Variants in SEC14L1 observed in about 807,000 individuals in gnomAD.
The protein encoded by SEC14L1 is SEC14-like protein 1.
SEC14L1 carries 48 observed loss-of-function variants against 85.3 expected under a neutral mutation model. That is an observed-to-expected ratio of 0.56 (90% CI 0.45 to 0.72). SEC14L1 has a LOEUF of 0.72. Ranked by LOEUF, SEC14L1 falls within the 30% of genes least tolerant of loss-of-function variation. The probability of loss-of-function intolerance (pLI) is 0.00; values close to 1 mark genes in which losing one functional copy is unlikely to be tolerated. For missense variants in SEC14L1, 682 were observed against 921.4 expected (o/e 0.74, Z 3.36); for synonymous variants, 391 against 355.5 (o/e 1.10, Z -1.12).
chr17:77,174,985 G>C (rs1201480224), intron 3 of SEC14L1, among the ~76,000 whole-genome samples: 4 of 152,106 alleles, frequency 2.6e-5, no homozygotes. Flanking sequence ...AAACTTTTTT[G>C]AATAGGATAA....
At chr17:77,188,299 T>C (rs6501941) in intron 3 of SEC14L1, among the ~76,000 whole-genome samples, 8,521 of 152,256 alleles carry the variant, frequency 0.056, 334 homozygotes, top group Admixed American at 0.12. Context: ...GCTTCGCTCC[T>C]GTCCCCACCC....
Position 77,107,211 on chromosome 17 carries a change from C to G in SEC14L1, c.-136+13864C>G, listed in dbSNP as rs151019217. On this transcript the variant is annotated intron_variant, in intron 3 of 19. Transcript: ENST00000392476. ...CAAAAACTCACTTCCACTTCAGGAC[C>G]ACTTAGCCCACGCCAGGCTCCGGGC... is the stretch of plus-strand genomic sequence containing the variant. Among the ~76,000 whole-genome samples, 451 of 152,244 alleles carry G rather than the reference C, an allele frequency of 3.0e-3. 4 individuals are homozygous for G. Among genetic ancestry groups the G allele is most frequent in the African/African-American group, 0.01 (427 of 41,536 alleles).
intron 3 of SEC14L1, among the ~76,000 whole-genome samples, chr17:77,116,825 T>C (rs1402523396): frequency 6.6e-6 from 1 of 152,188 alleles, no homozygotes; most frequent in Admixed American, 6.5e-5. Flanking sequence ...CAGGATGCTC[T>C]GGGGTAAGTG....
At chr17:77,113,692 G>T (rs909084955) in intron 3 of SEC14L1, among the ~76,000 whole-genome samples, 5 of 152,152 alleles carry the variant, frequency 3.3e-5, no homozygotes, top group African/African-American at 7.2e-5. Flanking sequence ...GTTGCTATGA[G>T]CCGAAATTGC....
chr17:77,215,057 T>C lies in SEC14L1; in HGVS notation c.*1034T>C. The C allele has an allele frequency of 1.0e-6, 1 of 980,164 alleles. No individual in the cohort carries two copies. The highest frequency in any genetic ancestry group is 1.2e-6 in the Non-Finnish European group (1 of 826,666). 60.7% of individuals were successfully genotyped at this position (980,164 alleles called of 1,614,324 possible). The stretch of plus-strand genomic sequence containing the variant: ...TTCTTTGTACATGGGAATTGTGGAC[T>C]CATGCGTGTGTGTGTGTGCATGTGC... On this transcript the variant is annotated 3_prime_UTR_variant, in exon 17 of 17. Transcript: ENST00000436233.
chr17:77,136,419 CACT>C (rs1972803438), upstream of SEC14L1, among the ~76,000 whole-genome samples: 2 of 151,634 alleles, frequency 1.3e-5, no homozygotes, highest in African/African-American at 2.4e-5. Context: ...CACACATTAC[CACT>C]ACATTTTAAT....
chr17:77,120,729 G>T (rs150109389), intron 3 of SEC14L1, among the ~76,000 whole-genome samples: 4,271 of 152,172 alleles, frequency 0.028, 119 homozygotes, highest in African/African-American at 0.062. Flanking sequence ...CACCGGTCTC[G>T]GCCTCCCAAA....
intron 3 of SEC14L1, among the ~76,000 whole-genome samples, chr17:77,154,937 T>C (rs916015220): frequency 1.3e-5 from 2 of 152,204 alleles, no homozygotes; most frequent in African/African-American, 2.4e-5. Flanking sequence ...TCTTGCCTTA[T>C]TAAGGTGCGG....
chr17:77,209,756 A>G, intron 14 of SEC14L1: 2 of 306,118 alleles, frequency 6.5e-6, no homozygotes, highest in Non-Finnish European at 6.1e-6. Context: ...ACACAGAGAT[A>G]GGAATAGCTA....
chr17:77,167,049 T>A (rs1307879724), intron 3 of SEC14L1, among the ~76,000 whole-genome samples: 1 of 152,166 alleles, frequency 6.6e-6, no homozygotes, highest in Non-Finnish European at 1.5e-5. Context: ...GCCCTGTGCC[T>A]GTTGGAGAAG....
At position 77,143,666 on chromosome 17, in the gene SEC14L1, A is replaced by G. The variant is rs1264706835; in HGVS notation, c.63+7A>G. On this transcript the variant is annotated splice_region_variant and intron_variant, in intron 3 of 16. Coordinates refer to ENST00000436233, the MANE Select transcript of SEC14L1 (RefSeq NM_001143998.2). ...CTTTGAATTAATTATGGCTGTAAGT[A>G]CTTGACATTTCAATTTACTCTTTGG... 3 of 1,594,810 alleles carry G rather than the reference A, an allele frequency of 1.9e-6. No homozygotes were observed. Among genetic ancestry groups the G allele is most frequent in the Non-Finnish European group, 2.6e-6 (3 of 1,162,886 alleles).
intron 3 of SEC14L1, among the ~76,000 whole-genome samples, chr17:77,181,498 C>T (rs371753261): frequency 1.3e-5 from 2 of 152,234 alleles, no homozygotes; most frequent in African/African-American, 4.8e-5. Context: ...CTGCATCCTC[C>T]GCCTCCCGGA....
intron 15 of SEC14L1, chr17:77,212,767 T>G: frequency 6.1e-6 from 1 of 164,318 alleles, no homozygotes; most frequent in Admixed American, 5.9e-5. Context: ...GGCTTGTCAG[T>G]GTTTCAGTGG....
chr17:77,203,275 G>A lies in SEC14L1; in HGVS notation c.1010-295G>A, dbSNP rs574602246. On this transcript the variant is annotated intron_variant, in intron 9 of 16. Coordinates refer to ENST00000436233, the MANE Select transcript of SEC14L1 (RefSeq NM_001143998.2). Reference sequence around the variant, plus strand: ...ACTGAGCCCAGCACTTATGCAGCTCGAGCTGAGTGAGTCCCAGCCGGATTC... The same window carrying A: ...ACTGAGCCCAGCACTTATGCAGCTCAAGCTGAGTGAGTCCCAGCCGGATTC... Among the ~76,000 whole-genome samples the A allele has an allele frequency of 4.8e-4, 73 of 152,220 alleles. 1 individual carries two copies. Among genetic ancestry groups the A allele is most frequent in the African/African-American group, 1.7e-3 (69 of 41,526 alleles).
chr17:77,120,435 C>T (rs936369721), intron 3 of SEC14L1, among the ~76,000 whole-genome samples: 1 of 151,932 alleles, frequency 6.6e-6, no homozygotes, highest in African/African-American at 2.4e-5. Flanking sequence ...GGGAATGCAT[C>T]CACAACCTGA....
At chr17:77,163,794 C>T (rs536753093) in intron 3 of SEC14L1, among the ~76,000 whole-genome samples, 13 of 152,202 alleles carry the variant, frequency 8.5e-5, no homozygotes, top group Non-Finnish European at 1.8e-4. Context: ...TTCGCACATA[C>T]CGAAGAGCAC....
At chr17:77,187,616 G>T (rs1052462814) in intron 3 of SEC14L1, among the ~76,000 whole-genome samples, 2 of 152,074 alleles carry the variant, frequency 1.3e-5, no homozygotes, top group African/African-American at 4.8e-5. Context: ...GGCATCAAAT[G>T]ATCTGCCTGC....
intron 3 of SEC14L1, among the ~76,000 whole-genome samples, chr17:77,117,114 G>A (rs960515199): frequency 2.6e-5 from 4 of 152,190 alleles, no homozygotes; most frequent in African/African-American, 9.7e-5. Flanking sequence ...TTGGGAGGCC[G>A]AGGCGGGTGG....
At chr17:77,191,148 A>G (rs748725314) in intron 4 of SEC14L1, 33 bp from the exon 5 acceptor site, 1 of 1,601,826 alleles carries the variant, frequency 6.2e-7, no homozygotes, top group South Asian at 1.1e-5. Context: ...GTTGTTATTA[A>G]TAAACCCATT....
Sources: allele counts gnomAD v4.1 joint callset (sites outside exome capture counted in the v4.1 genomes callset), GRCh38; gene constraint gnomAD v4.1.1; transcripts MANE v1.5; gene names NCBI Gene and HGNC (gene_info 2026-07-23, HGNC 2026-07-21).